TPRX2: variants seen among roughly 807,000 people sequenced by gnomAD.
The protein encoded by TPRX2 is tetrapeptide repeat homeobox 2.
chr19:47,860,646 C>T, the TPRX2 span, among the ~76,000 whole-genome samples: 1 of 151,772 alleles, frequency 6.6e-6, no homozygotes, highest in Admixed American at 6.6e-5. Context: ...TCTTCCCTCC[C>T]TTCTCCAGGC....
At chr19:47,860,294 A>T in the TPRX2 span, 142 of 1,058,454 alleles carry the variant, frequency 1.3e-4, no homozygotes, top group East Asian at 8.6e-3. Flanking sequence ...TCTGACCCCC[A>T]CCCCCACCCC....
At chr19:47,860,997 G>T in the TPRX2 span, 1 of 1,147,660 alleles carries the variant, frequency 8.7e-7, no homozygotes. Context: ...GGGCCCCTGG[G>T]GAGTCCTCCC....
At chr19:47,860,713 G>A in the TPRX2 span, 14,246 of 1,436,476 alleles carry the variant, frequency 9.9e-3, 891 homozygotes, top group African/African-American at 0.15. Context: ...CACCGGGAGA[G>A]TTTTGAGGCC....
the TPRX2 span, chr19:47,860,295 C>T: frequency 1.7e-5 from 22 of 1,309,530 alleles, no homozygotes; most frequent in East Asian, 7.7e-4. Context: ...CTGACCCCCA[C>T]CCCCACCCCG....
At chr19:47,860,984 G>C in the TPRX2 span, 4 of 1,264,240 alleles carry the variant, frequency 3.2e-6, no homozygotes, top group African/African-American at 4.4e-5. Context: ...TCTCCCCTCA[G>C]CCGGGCCCCT....
the TPRX2 span, chr19:47,860,685 G>A: frequency 8.0e-7 from 1 of 1,244,716 alleles, no homozygotes; most frequent in Non-Finnish European, 1.1e-6. Flanking sequence ...CATATGGTGG[G>A]TGCGGGGTGG....
At chr19:47,859,360 G>T in the TPRX2 span, among the ~76,000 whole-genome samples, 1 of 150,414 alleles carries the variant, frequency 6.6e-6, no homozygotes, top group African/African-American at 2.5e-5. Flanking sequence ...GAAGGGCTGG[G>T]CCTGTGCGGG....
the TPRX2 span, among the ~76,000 whole-genome samples, chr19:47,861,720 T>A: frequency 5.3e-5 from 8 of 152,226 alleles, no homozygotes; most frequent in African/African-American, 1.9e-4. Flanking sequence ...GTTTCTCTGC[T>A]GAGACTGGAG....
chr19:47,860,388 C>G, the TPRX2 span: 1 of 669,030 alleles, frequency 1.5e-6, no homozygotes, highest in Non-Finnish European at 2.7e-6. Context: ...CGCCCTGCCA[C>G]GCAAGGGGTC....
the TPRX2 span, chr19:47,860,651 C>G: frequency 3.7e-6 from 2 of 542,092 alleles, no homozygotes; most frequent in East Asian, 1.1e-4. Context: ...CCTCCCTTCT[C>G]CAGGCCTGGG....
chr19:47,860,463 C>T, the TPRX2 span, among the ~76,000 whole-genome samples: 17 of 151,490 alleles, frequency 1.1e-4, no homozygotes, highest in Admixed American at 2.6e-4. Context: ...CCAAACTCGC[C>T]CACATGATCG....
chr19:47,860,134 C>G, the TPRX2 span: 1 of 1,433,818 alleles, frequency 7.0e-7, no homozygotes, highest in Admixed American at 2.0e-5. Flanking sequence ...GCCCTGGACC[C>G]TCCAAGGAGA....
the TPRX2 span, chr19:47,860,685 G>T: frequency 2.4e-6 from 3 of 1,244,598 alleles, no homozygotes; most frequent in Non-Finnish European, 3.3e-6. Context: ...CATATGGTGG[G>T]TGCGGGGTGG....
chr19:47,860,993 C>G, the TPRX2 span: 1 of 1,156,492 alleles, frequency 8.6e-7, no homozygotes, highest in South Asian at 1.3e-5. Flanking sequence ...AGCCGGGCCC[C>G]TGGGGAGTCC....
At chr19:47,859,685 C>A in the TPRX2 span, among the ~76,000 whole-genome samples, 3 of 148,534 alleles carry the variant, frequency 2.0e-5, no homozygotes, top group South Asian at 6.6e-4. Flanking sequence ...TGCACTCCAG[C>A]CTGGGTGACA....
chr19:47,860,419 T>C, the TPRX2 span: 1 of 691,104 alleles, frequency 1.4e-6, no homozygotes, highest in Non-Finnish European at 2.5e-6. Flanking sequence ...AGACCCGGGC[T>C]GCATCCTGAG....
At chr19:47,860,870 C>G in the TPRX2 span, 7 of 1,534,332 alleles carry the variant, frequency 4.6e-6, no homozygotes, top group East Asian at 1.7e-4. Flanking sequence ...CCCAGCGCGT[C>G]CCTGGGCAGA....
chr19:47,860,329 C>G, the TPRX2 span: 41 of 1,308,802 alleles, frequency 3.1e-5, no homozygotes, highest in African/African-American at 4.9e-5. Context: ...CCCCAAGGAG[C>G]CTCCCCACCG....
the TPRX2 span, chr19:47,861,620 G>A: frequency 1.3e-5 from 8 of 608,090 alleles, no homozygotes; most frequent in Non-Finnish European, 1.8e-5. Flanking sequence ...CCACCCTGCT[G>A]CAGGTGGACA....
Sources: gnomAD v4.1 joint callset for allele counts (sites outside exome capture counted in the v4.1 genomes callset) on GRCh38, gnomAD v4.1.1 for gene constraint, MANE v1.5 for transcripts, NCBI Gene and HGNC (gene_info 2026-07-23, HGNC 2026-07-21) for gene names.